PPP4R3B: variants seen among roughly 807,000 people sequenced by gnomAD.
The protein encoded by PPP4R3B is serine/threonine-protein phosphatase 4 regulatory subunit 3B.
A neutral mutation model predicts 95.4 loss-of-function variants in PPP4R3B; 52 were observed. The observed-to-expected ratio is 0.54, with a 90% CI of 0.44 to 0.69. The LOEUF (loss-of-function observed/expected upper bound fraction) is 0.69, where lower values mean the gene tolerates loss of function less well. Ranked by LOEUF, PPP4R3B falls within the 30% of genes least tolerant of loss-of-function variation. The pLI is 0.00. For synonymous variants in PPP4R3B, 407 were observed against 343.9 expected (o/e 1.18, Z -2.03); for missense variants, 1,003 against 1,005.9 (o/e 1.00, Z 0.04).
At chr2:55,609,014 A>G (rs1693800203) in intron 2 of PPP4R3B, among the ~76,000 whole-genome samples, 1 of 152,136 alleles carries the variant, frequency 6.6e-6, no homozygotes, top group African/African-American at 2.4e-5. Flanking sequence ...AAACGAAAAG[A>G]TAGTGACCAG....
chr2:55,591,865 C>T (rs1039239627), intron 4 of PPP4R3B, among the ~76,000 whole-genome samples: 2 of 152,172 alleles, frequency 1.3e-5, no homozygotes, highest in Non-Finnish European at 2.9e-5. Flanking sequence ...TAATCAATAA[C>T]TTAAAGCCTA....
In PPP4R3B at chr2:55,547,427, A is replaced by C. The variant is rs181525019; in HGVS notation, c.*2484T>G. The stretch of plus-strand genomic sequence containing the variant: ...ACTGAATGAAGATAAAGATATAAAA[A>C]CCCAGATCTGCCTGAGGGTAGTCGT... On this transcript the variant is annotated 3_prime_UTR_variant, in exon 17 of 17. Transcript: ENST00000616407. 6 of 152,294 alleles carry C rather than the reference A, an allele frequency of 3.9e-5. No individual in the cohort carries two copies. Among genetic ancestry groups the C allele is most frequent in the African/African-American group, 1.4e-4 (6 of 41,554 alleles). The allele number at this position is 152,294 out of a possible 1,614,324, so 9.4% of individuals were successfully genotyped here.
chr2:55,571,512 C>T (rs1324960334), intron 12 of PPP4R3B, among the ~76,000 whole-genome samples: 1 of 152,064 alleles, frequency 6.6e-6, no homozygotes, highest in African/African-American at 2.4e-5. Flanking sequence ...AAAAAAATGT[C>T]TAAGAACAAC....
intron 12 of PPP4R3B, 40 bp from the exon 13 acceptor site, chr2:55,568,403 C>T: frequency 1.3e-6 from 2 of 1,481,716 alleles, no homozygotes; most frequent in Non-Finnish European, 1.8e-6. Flanking sequence ...AATGATCTTA[C>T]TAAAATCAAT....
chr2:55,549,814 T>C lies in PPP4R3B; in HGVS notation c.*97A>G, dbSNP rs959473981. Reference sequence around the variant, plus strand: ...CTTTTGCTACTCCTTGTATATTTTATAAGTTCAATTGAGAAAGCTTTCTGA... The same window carrying C: ...CTTTTGCTACTCCTTGTATATTTTACAAGTTCAATTGAGAAAGCTTTCTGA... On this transcript the variant is annotated 3_prime_UTR_variant, in exon 17 of 17. Transcript: ENST00000616407. 23 of 905,074 alleles carry C rather than the reference T, an allele frequency of 2.5e-5. No individual in the cohort carries two copies. The South Asian group carries it at 2.6e-4, about 10-fold the overall frequency. 56.1% of individuals were successfully genotyped at this position (905,074 alleles called of 1,614,324 possible).
At chr2:55,572,147 G>A (rs1688088148) in intron 12 of PPP4R3B, among the ~76,000 whole-genome samples, 1 of 152,054 alleles carries the variant, frequency 6.6e-6, no homozygotes, top group South Asian at 2.1e-4. Flanking sequence ...TTTCACATGT[G>A]TTACATACAT....
At chr2:55,598,292 T>G in intron 4 of PPP4R3B, 124 bp downstream of exon 4, 2 of 971,454 alleles carry the variant, frequency 2.1e-6, no homozygotes, top group Non-Finnish European at 3.0e-6. Context: ...ACTTTAAATG[T>G]ACTTAATAGT....
Position 55,585,053 on chromosome 2 carries a change from C to T in PPP4R3B, c.1231G>A (p.Asp411Asn). 6.2e-7 allele frequency: 1 copy of T among 1,606,430 alleles called. No individual in the cohort carries two copies. The highest frequency in any genetic ancestry group is 8.5e-7 in the Non-Finnish European group (1 of 1,174,890). The change falls in exon 7 of 17, where the codon GAC becomes AAC. Residue 411 changes from aspartate (D) to asparagine (N), a missense_variant and splice_region_variant. By Grantham distance (23) the Asp-to-Asn change is conservative. Coordinates refer to ENST00000616407, the MANE Select transcript of PPP4R3B (RefSeq NM_001122964.3). ...AGAACCACAGCATTATTACTTACGT[C>T]ATCACTCTGCTGAGCTTCTTGCATT... The part of the protein sequence containing the change: ...FVMQEAQQSD[D>N]DILLINVVIE...
At chr2:55,588,219 A>C (rs1385823648) in intron 5 of PPP4R3B, among the ~76,000 whole-genome samples, 1 of 152,242 alleles carries the variant, frequency 6.6e-6, no homozygotes, top group African/African-American at 2.4e-5. Context: ...TTGTTTAAAA[A>C]GAAAAGCATT....
intron 1 of PPP4R3B, among the ~76,000 whole-genome samples, chr2:55,616,810 G>A (rs1695006994): frequency 6.6e-6 from 1 of 151,996 alleles, no homozygotes; most frequent in Non-Finnish European, 1.5e-5. Flanking sequence ...TAAATAAAGG[G>A]GGAGGAAGGT....
intron 4 of PPP4R3B, among the ~76,000 whole-genome samples, chr2:55,595,026 C>CTTTT (rs201263689): frequency 7.4e-6 from 1 of 134,522 alleles, no homozygotes; most frequent in Non-Finnish European, 1.6e-5. Context: ...CCCTTTTAAA[C>CTTTT]TTTTTTTTTT....
chr2:55,582,088 C>G (rs181795511), intron 7 of PPP4R3B, among the ~76,000 whole-genome samples: 233 of 152,194 alleles, frequency 1.5e-3, no homozygotes, highest in African/African-American at 5.3e-3. Flanking sequence ...GATCACATGA[C>G]CCTAAGACAT....
intron 16 of PPP4R3B, among the ~76,000 whole-genome samples, chr2:55,557,717 G>A (rs1192559986): frequency 6.6e-6 from 1 of 151,948 alleles, no homozygotes; most frequent in African/African-American, 2.4e-5. Flanking sequence ...CTTTAATTAG[G>A]TATGTACTAC....
intron 12 of PPP4R3B, among the ~76,000 whole-genome samples, chr2:55,573,361 C>A (rs929796333): frequency 6.6e-6 from 1 of 152,140 alleles, no homozygotes; most frequent in African/African-American, 2.4e-5. Flanking sequence ...AGGACTGGTT[C>A]TGTTAGTAAA....
intron 8 of PPP4R3B, 28 bp from the exon 9 acceptor site, chr2:55,579,809 C>CT: frequency 7.1e-7 from 1 of 1,407,052 alleles, no homozygotes; most frequent in African/African-American, 1.4e-5. Flanking sequence ...TTAAACAATA[C>CT]TGTTACTTAT....
chr2:55,586,672 T>C lies in PPP4R3B; in HGVS notation c.1062A>G (p.Ala354=), dbSNP rs1043639182. 6.2e-7 allele frequency: 1 copy of C among 1,611,272 alleles called. No individual in the cohort carries two copies. Among genetic ancestry groups the C allele is most frequent in the Non-Finnish European group, 8.5e-7 (1 of 1,178,764 alleles). ...SQTLQPQNRD[A]FFKTLAKLGI... Reference sequence around the variant, plus strand: ...CCAATTTTGCCAATGTTTTGAAAAATGCATCCCTGTTTTGAGGTTGTAATG... The same window carrying C: ...CCAATTTTGCCAATGTTTTGAAAAACGCATCCCTGTTTTGAGGTTGTAATG... The change falls in exon 6 of 17, where the codon GCA becomes GCG. Residue 354 remains alanine (A), a synonymous_variant. Transcript: ENST00000616407.
rs544012385 is a variant in PPP4R3B, at chr2:55,556,328, G to C, written c.2454+2447C>G. Reference sequence around the variant, plus strand: ...TAATCTGCTGTTACTGTCAAGAAGAGTGAAAAAGGTGTTGGTGCTTGCATT... The same window carrying C: ...TAATCTGCTGTTACTGTCAAGAAGACTGAAAAAGGTGTTGGTGCTTGCATT... On this transcript the variant is annotated intron_variant, in intron 16 of 16. Transcript: ENST00000616407. 5.9e-5 allele frequency among the ~76,000 whole-genome samples: 9 copies of C among 152,286 alleles called. 1 individual carries two copies. The South Asian group carries it at 1.9e-3, about 32-fold the overall frequency.
chr2:55,595,740 A>G (rs1296629416), intron 4 of PPP4R3B, among the ~76,000 whole-genome samples: 13 of 42,890 alleles, frequency 3.0e-4, no homozygotes, highest in Non-Finnish European at 9.4e-4. Flanking sequence ...AAGTACATGA[A>G]AAAAAAAAAA....
intron 16 of PPP4R3B, among the ~76,000 whole-genome samples, chr2:55,557,170 T>C (rs930800618): frequency 6.6e-6 from 1 of 152,148 alleles, no homozygotes; most frequent in East Asian, 1.9e-4. Flanking sequence ...GAGCCAAGGT[T>C]TGAACCCAAA....
Sources: gnomAD v4.1 joint callset for allele counts (sites outside exome capture counted in the v4.1 genomes callset) on GRCh38, gnomAD v4.1.1 for gene constraint, MANE v1.5 for transcripts, NCBI Gene and HGNC (gene_info 2026-07-23, HGNC 2026-07-21) for gene names.